The following LRRTM4 variants were observed in gnomAD, a reference collection of about 807,000 sequenced individuals.
LRRTM4 encodes the protein leucine-rich repeat transmembrane neuronal protein 4.
A neutral mutation model predicts 47.6 loss-of-function variants in LRRTM4; 25 were observed. The ratio of observed to expected loss-of-function variants is 0.53; its 90% CI spans 0.38 to 0.73. LRRTM4 has a LOEUF of 0.73. Ranked by LOEUF, LRRTM4 falls within the 30% of genes least tolerant of loss-of-function variation. The pLI, the probability that LRRTM4 is intolerant of heterozygous loss-of-function variation, is 0.00. For synonymous variants in LRRTM4, 311 were observed against 269.5 expected (o/e 1.15, Z -1.51); for missense variants, 638 against 713.4 (o/e 0.89, Z 1.20).
At chr2:77,189,762 T>C (rs1373603213) in intron 3 of LRRTM4, among the ~76,000 whole-genome samples, 1 of 152,056 alleles carries the variant, frequency 6.6e-6, no homozygotes, top group Non-Finnish European at 1.5e-5. Flanking sequence ...TATATGTATA[T>C]ATACATATAC....
intron 3 of LRRTM4, among the ~76,000 whole-genome samples, chr2:77,225,999 T>C (rs1459159722): frequency 6.6e-6 from 1 of 151,816 alleles, no homozygotes; most frequent in Non-Finnish European, 1.5e-5. Flanking sequence ...ACGTAAAAAA[T>C]GTGTACATGT....
intron 3 of LRRTM4, among the ~76,000 whole-genome samples, chr2:77,315,390 T>C (rs1223672331): frequency 3.3e-5 from 5 of 152,158 alleles, no homozygotes; most frequent in Non-Finnish European, 4.4e-5. Flanking sequence ...TATATATAAC[T>C]CATATAACAT....
intron 3 of LRRTM4, among the ~76,000 whole-genome samples, chr2:77,450,055 G>C (rs113274021): frequency 7.2e-5 from 11 of 152,184 alleles, no homozygotes; most frequent in African/African-American, 2.6e-4. Flanking sequence ...CCTAGTTCAA[G>C]TAACATATAA....
At chr2:77,410,990 C>A (rs951869308) in intron 3 of LRRTM4, among the ~76,000 whole-genome samples, 3 of 152,046 alleles carry the variant, frequency 2.0e-5, no homozygotes, top group Non-Finnish European at 4.4e-5. Context: ...ATGGACCCAA[C>A]GAGAATCTTA....
At chr2:77,471,923 A>C (rs1677203849) in intron 3 of LRRTM4, among the ~76,000 whole-genome samples, 1 of 152,120 alleles carries the variant, frequency 6.6e-6, no homozygotes, top group African/African-American at 2.4e-5. Flanking sequence ...TACTCACTGA[A>C]GTGCACTTGT....
intron 3 of LRRTM4, among the ~76,000 whole-genome samples, chr2:77,200,642 T>C (rs1470230373): frequency 6.6e-6 from 1 of 152,110 alleles, no homozygotes; most frequent in Non-Finnish European, 1.5e-5. Flanking sequence ...CAGTAAAATA[T>C]AATCTTCACT....
At chr2:76,791,829 T>A (rs1369355241) in intron 3 of LRRTM4, among the ~76,000 whole-genome samples, 2 of 152,166 alleles carry the variant, frequency 1.3e-5, no homozygotes, top group African/African-American at 4.8e-5. Context: ...GGAAATCAAG[T>A]CAAAACATTG....
intron 3 of LRRTM4, among the ~76,000 whole-genome samples, chr2:77,435,575 G>C (rs1675558407): frequency 6.6e-6 from 1 of 152,018 alleles, no homozygotes; most frequent in African/African-American, 2.4e-5. Flanking sequence ...ATACCGAATG[G>C]GCCAGTGGTG....
intron 3 of LRRTM4, among the ~76,000 whole-genome samples, chr2:77,158,096 GA>G (rs1672609970): frequency 6.6e-6 from 1 of 152,178 alleles, no homozygotes; most frequent in Admixed American, 6.5e-5. Context: ...GTAAATGTCA[GA>G]ATAGTGATTA....
At chr2:77,285,340 TTATATATATATATA>T (rs10527679) in intron 3 of LRRTM4, among the ~76,000 whole-genome samples, 2 of 82,590 alleles carry the variant, frequency 2.4e-5, no homozygotes, top group South Asian at 5.5e-4. Context: ...AGCATTAAAT[TTATATATATATATA>T]TATATATATG....
intron 3 of LRRTM4, among the ~76,000 whole-genome samples, chr2:77,113,197 G>C (rs1047817355): frequency 6.6e-6 from 1 of 152,104 alleles, no homozygotes; most frequent in Non-Finnish European, 1.5e-5. Flanking sequence ...GCCCGATTTA[G>C]CTGAGCCTGC....
At chr2:77,491,139 A>G (rs942067136) in intron 3 of LRRTM4, among the ~76,000 whole-genome samples, 1 of 152,130 alleles carries the variant, frequency 6.6e-6, no homozygotes, top group Non-Finnish European at 1.5e-5. Flanking sequence ...TTGAGAAATA[A>G]TTTTTAAGAG....
At chr2:76,767,221 A>G (rs1324435681) in intron 3 of LRRTM4, among the ~76,000 whole-genome samples, 2 of 152,220 alleles carry the variant, frequency 1.3e-5, no homozygotes, top group Admixed American at 6.5e-5. Context: ...TTAGGTGCAC[A>G]TGCAGCAATT....
chr2:77,507,408 T>C (rs909929045), intron 3 of LRRTM4, among the ~76,000 whole-genome samples: 1 of 152,108 alleles, frequency 6.6e-6, no homozygotes, highest in Non-Finnish European at 1.5e-5. Context: ...GAGAATCATA[T>C]ACACATTCCA....
chr2:77,141,822 C>T (rs1368971087), intron 3 of LRRTM4, among the ~76,000 whole-genome samples: 2 of 152,120 alleles, frequency 1.3e-5, no homozygotes, highest in African/African-American at 4.8e-5. Context: ...GGCATGACAG[C>T]TGTAAGGATA....
intron 3 of LRRTM4, among the ~76,000 whole-genome samples, chr2:77,075,451 T>C (rs534714844): frequency 6.6e-6 from 1 of 152,286 alleles, no homozygotes; most frequent in South Asian, 2.1e-4. Context: ...GTGTCTTGTT[T>C]CACAGTAATT....
intron 3 of LRRTM4, among the ~76,000 whole-genome samples, chr2:77,212,375 G>A (rs1196134665): frequency 1.3e-5 from 2 of 149,210 alleles, no homozygotes; most frequent in African/African-American, 4.9e-5. Context: ...TATATATAGT[G>A]TCATATATAT....
At chr2:77,509,439 C>T (rs1457980940) in intron 3 of LRRTM4, among the ~76,000 whole-genome samples, 1 of 151,916 alleles carries the variant, frequency 6.6e-6, no homozygotes, top group African/African-American at 2.4e-5. Context: ...TTTTACAAAT[C>T]CTGGGGTATT....
At chr2:77,112,699 A>G (rs1016357407) in intron 3 of LRRTM4, among the ~76,000 whole-genome samples, 2 of 151,906 alleles carry the variant, frequency 1.3e-5, no homozygotes, top group African/African-American at 4.8e-5. Context: ...AACTCAGATG[A>G]CCACAATCAT....
Sources: allele counts gnomAD v4.1 joint callset (sites outside exome capture counted in the v4.1 genomes callset), GRCh38; gene constraint gnomAD v4.1.1; transcripts MANE v1.5; gene names NCBI Gene and HGNC (gene_info 2026-07-23, HGNC 2026-07-21).